DNAAF10: variants seen among roughly 807,000 people sequenced by gnomAD.
DNAAF10 encodes WD repeat domain 92.
In DNAAF10, 28 loss-of-function variants were observed where a neutral mutation model predicts 43.7. The ratio of observed to expected loss-of-function variants is 0.64; its 90% CI spans 0.48 to 0.88. DNAAF10 has a LOEUF of 0.88. Ranked by LOEUF, DNAAF10 falls within the 40% of genes least tolerant of loss-of-function variation. The pLI is 0.00. For synonymous variants in DNAAF10, 156 were observed against 157.3 expected (o/e 0.99, Z 0.06); for missense variants, 403 against 439.1 (o/e 0.92, Z 0.73).
chr2:68,152,088 G>A (rs1013750255), intron 1 of DNAAF10, among the ~76,000 whole-genome samples: 1 of 152,172 alleles, frequency 6.6e-6, no homozygotes, highest in Non-Finnish European at 1.5e-5. Flanking sequence ...GAAATGTTCC[G>A]ATCTTGATTG....
intron 2 of DNAAF10, among the ~76,000 whole-genome samples, chr2:68,145,834 G>A (rs1188166213): frequency 6.6e-6 from 1 of 151,916 alleles, no homozygotes; most frequent in Admixed American, 6.6e-5. Flanking sequence ...GCTTTTCTAC[G>A]GAAACTTCTA....
At chr2:68,144,758 T>G in intron 2 of DNAAF10, 43 bp from the exon 3 acceptor site, 1 of 1,573,744 alleles carries the variant, frequency 6.4e-7, no homozygotes, top group Non-Finnish European at 8.6e-7. Flanking sequence ...ATCCCAAACA[T>G]ATAAGTCTAC....
chr2:68,144,195 A>G (rs1314706470), intron 3 of DNAAF10, among the ~76,000 whole-genome samples: 2 of 152,220 alleles, frequency 1.3e-5, no homozygotes, highest in African/African-American at 4.8e-5. Context: ...GCAGCTGTCA[A>G]TATGACAATT....
At position 68,145,450 on chromosome 2, in the gene DNAAF10, AAT is replaced by A. The variant is rs572096298; in HGVS notation, c.285-737_285-736del. Among the ~76,000 whole-genome samples the A allele has an allele frequency of 5.4e-3, 813 of 151,930 alleles. 5 individuals carry two copies. The highest frequency in any genetic ancestry group is 9.6e-3 in the Non-Finnish European group (655 of 67,930). On this transcript the variant is annotated intron_variant, in intron 2 of 7. Coordinates refer to ENST00000295121, the MANE Select transcript of DNAAF10 (RefSeq NM_138458.4). ...AACGCAGCTAGTATATTTCTATCTA[AAT>A]ATATATATATGTAAATTCAAAGTGA...
chr2:68,141,884 C>A, intron 3 of DNAAF10, 89 bp from the exon 4 acceptor site: 2 of 1,051,908 alleles, frequency 1.9e-6, no homozygotes, highest in Middle Eastern at 4.1e-4. Context: ...TTCCTGTGTA[C>A]ATGGCAATAT....
Position 68,138,876 on chromosome 2 carries a change from C to T in DNAAF10, c.518-19G>A, listed in dbSNP as rs1036988468. On this transcript the variant is annotated intron_variant, in intron 4 of 7. Transcript: ENST00000295121. ...GCATTGCCTGGAAATCAAGATACAA[C>T]ATTTCACATCCTTATAAATGCATCC... 3 of 1,554,796 alleles carry T rather than the reference C, an allele frequency of 1.9e-6. No individual in the cohort carries two copies. Among genetic ancestry groups the T allele is most frequent in the Admixed American group, 3.4e-5 (2 of 59,578 alleles).
Position 68,140,494 on chromosome 2 carries a change from CATA to C in DNAAF10, c.517+1197_517+1199del, listed in dbSNP as rs377157609. On this transcript the variant is annotated intron_variant, in intron 4 of 7. Coordinates refer to ENST00000295121, the MANE Select transcript of DNAAF10 (RefSeq NM_138458.4). ...ACATTCCCAAATTCTATGTATTCTG[CATA>C]ATATTATCTTCTGAATCATCCACTC... Among the ~76,000 whole-genome samples, 5 of 152,264 alleles carry C rather than the reference CATA, an allele frequency of 3.3e-5. No homozygotes were observed. In the East Asian group the frequency reaches 9.6e-4, roughly 29 times the overall value.
At chr2:68,153,745 GTTTTTTTTTTT>G (rs35521976) in intron 1 of DNAAF10, among the ~76,000 whole-genome samples, 1 of 78,418 alleles carries the variant, frequency 1.3e-5, no homozygotes, top group Non-Finnish European at 2.3e-5. Flanking sequence ...ACACAATGAA[GTTTTTTTTTTT>G]TTTTTTTTTT....
intron 7 of DNAAF10, chr2:68,134,118 G>C: frequency 1.0e-6 from 1 of 983,756 alleles, no homozygotes; most frequent in South Asian, 4.7e-5. Flanking sequence ...TTTTTGTTTT[G>C]TTTTGTTTTG....
At position 68,131,445 on chromosome 2, in the gene DNAAF10, A is replaced by G; in HGVS notation, c.867T>C (p.Tyr289=). 6.2e-7 allele frequency: 1 copy of G among 1,613,622 alleles called. No individual in the cohort carries two copies. Among genetic ancestry groups the G allele is most frequent in the African/African-American group, 1.3e-5 (1 of 75,040 alleles). ...TCTTTGACCGCTGAATAGGGTATTC[A>G]CTGAAAACAAGATCAAAATGGTAAG... ...GGAGGLHLWK[Y]EYPIQRSKKD... The change falls in exon 8 of 8, where the codon TAT becomes TAC. Residue 289 remains tyrosine, a splice_region_variant and synonymous_variant. Transcript: ENST00000295121.
At chr2:68,131,511 T>C in intron 7 of DNAAF10, 66 bp from the exon 8 acceptor site, 9 of 1,432,856 alleles carry the variant, frequency 6.3e-6, no homozygotes, top group Non-Finnish European at 8.8e-6. Flanking sequence ...TTTTTATACA[T>C]ACACTTCAAT....
chr2:68,130,354 A>G lies in DNAAF10; in HGVS notation c.*884T>C, dbSNP rs915167104. Reference sequence around the variant, plus strand: ...ACCATGTTGGCCAGGCTGGTCTCGAATTCCTGACCTCGTGATTCACCCGCC... The same window carrying G: ...ACCATGTTGGCCAGGCTGGTCTCGAGTTCCTGACCTCGTGATTCACCCGCC... On this transcript the variant is annotated 3_prime_UTR_variant, in exon 8 of 8. Transcript: ENST00000295121. The G allele has an allele frequency of 6.6e-6, 1 of 151,662 alleles. No individual in the cohort carries two copies. Among genetic ancestry groups the G allele is most frequent in the Non-Finnish European group, 1.5e-5 (1 of 67,918 alleles). 9.4% of individuals were successfully genotyped at this position (151,662 alleles called of 1,614,324 possible).
chr2:68,130,137 T>G lies in DNAAF10; in HGVS notation c.*1101A>C, dbSNP rs1180289219. 5 of 145,232 alleles carry G rather than the reference T, an allele frequency of 3.4e-5. No individual in the cohort carries two copies. In the South Asian group the frequency reaches 8.7e-4, roughly 25 times the overall value. 9.0% of individuals were successfully genotyped at this position (145,232 alleles called of 1,614,324 possible). A position where few individuals can be genotyped will look rare whatever the true frequency, so the allele number is the denominator to read the frequency against. ...AGAGATATATATATATATATTTGTTTTTTTTTTTTTTGAGACGGAGTCTCA... is the reference window on the plus strand; with the variant it reads ...AGAGATATATATATATATATTTGTTGTTTTTTTTTTTGAGACGGAGTCTCA... On this transcript the variant is annotated 3_prime_UTR_variant, in exon 8 of 8. Transcript: ENST00000295121.
At chr2:68,157,221 C>T in intron 1 of DNAAF10, 40 bp downstream of exon 1, 1 of 1,583,720 alleles carries the variant, frequency 6.3e-7, no homozygotes, top group Non-Finnish European at 8.6e-7. Context: ...GATCCGCACT[C>T]GCCCCCAACG....
chr2:68,144,742 C>T, intron 2 of DNAAF10, 27 bp from the exon 3 acceptor site: 1 of 1,592,692 alleles, frequency 6.3e-7, no homozygotes, highest in Non-Finnish European at 8.5e-7. Flanking sequence ...GCTTCTTACA[C>T]CACATATCCC....
In DNAAF10 at chr2:68,129,982, A is replaced by G. The variant is rs1672891938; in HGVS notation, c.*1256T>C. On this transcript the variant is annotated 3_prime_UTR_variant, in exon 8 of 8. Transcript: ENST00000295121. The stretch of plus-strand genomic sequence containing the variant: ...ATCACTTACCACAGTCAAAAACCAA[A>G]AGTCTCACCAATTCAGTTCCTGTAT... The G allele has an allele frequency of 2.0e-5, 3 of 151,908 alleles. No homozygotes were observed. In the South Asian group the frequency reaches 6.2e-4, roughly 32 times the overall value. The allele number at this position is 151,908 out of a possible 1,614,324, so 9.4% of individuals were successfully genotyped here.
chr2:68,134,743 A>AG lies in DNAAF10; in HGVS notation c.824_825insC (p.Leu276SerfsTer15). On this transcript the variant is annotated frameshift_variant, in exon 7 of 8. Coordinates refer to ENST00000295121, the MANE Select transcript of DNAAF10 (RefSeq NM_138458.4). LOFTEE classifies it high-confidence loss of function. ...GGCCGCCGGCGCCTCCAGCTGTCAG[A>AG]AAGAGCTCCCTGTTCTGCGGCAGGT... 1 of 1,609,454 alleles carries AG rather than the reference A, an allele frequency of 6.2e-7. No individual in the cohort carries two copies. The highest frequency in any genetic ancestry group is 8.5e-7 in the Non-Finnish European group (1 of 1,178,994).
intron 1 of DNAAF10, among the ~76,000 whole-genome samples, chr2:68,150,552 G>A (rs1392209235): frequency 6.6e-6 from 1 of 151,898 alleles, no homozygotes; most frequent in Non-Finnish European, 1.5e-5. Flanking sequence ...GGCCAAAATG[G>A]TGAAACCCCC....
At chr2:68,153,745 G>GTTTTTTTTTTTTTTTTTTTTTTTTTT (rs35521976) in intron 1 of DNAAF10, among the ~76,000 whole-genome samples, 1 of 78,418 alleles carries the variant, frequency 1.3e-5, no homozygotes. Flanking sequence ...ACACAATGAA[G>GTTTTTTTTTTTTTTTTTTTTTTTTTT]TTTTTTTTTT....
Sources: allele counts gnomAD v4.1 joint callset (sites outside exome capture counted in the v4.1 genomes callset), GRCh38; gene constraint gnomAD v4.1.1; transcripts MANE v1.5; gene names NCBI Gene and HGNC (gene_info 2026-07-23, HGNC 2026-07-21).